TCF7L2: variants seen among roughly 807,000 people sequenced by gnomAD.
TCF7L2 encodes the protein transcription factor 7-like 2.
TCF7L2 carries 23 observed loss-of-function variants against 77.9 expected under a neutral mutation model. That is an observed-to-expected ratio of 0.30 (90% CI 0.21 to 0.42). The LOEUF (loss-of-function observed/expected upper bound fraction) is 0.42. Among genes scored for constraint, TCF7L2 ranks in the 10% least tolerant of loss-of-function variants. TCF7L2 has a pLI of 1.00. For missense variants in TCF7L2, 654 were observed against 793.1 expected, an observed-to-expected ratio of 0.82 and a Z score of 2.11; for synonymous variants, 413 against 340.2, an observed-to-expected ratio of 1.21 and a Z score of -2.36.
intron 5 of TCF7L2, among the ~76,000 whole-genome samples, chr10:113,054,258 T>C (rs1437389903): frequency 6.6e-6 from 1 of 152,280 alleles, no homozygotes; most frequent in Non-Finnish European, 1.5e-5. Flanking sequence ...AACTTGTGGG[T>C]AAATCACAAA....
At chr10:113,130,816 A>G (rs2066473334) in intron 5 of TCF7L2, among the ~76,000 whole-genome samples, 1 of 151,912 alleles carries the variant, frequency 6.6e-6, no homozygotes, top group African/African-American at 2.4e-5. Context: ...CCCAGGCTGG[A>G]GTGCAGTGGC....
chr10:113,093,863 C>T (rs1007790929), intron 5 of TCF7L2, among the ~76,000 whole-genome samples: 1 of 152,176 alleles, frequency 6.6e-6, no homozygotes, highest in Non-Finnish European at 1.5e-5. Context: ...ATTGCTCAGT[C>T]AATACCATTT....
At chr10:112,998,465 ATC>A (rs1167731859) in intron 4 of TCF7L2, among the ~76,000 whole-genome samples, 2 of 152,134 alleles carry the variant, frequency 1.3e-5, no homozygotes, top group African/African-American at 4.8e-5. Context: ...ATGTGATGAG[ATC>A]TCTGCCGGAC....
chr10:112,966,547 C>T (rs2036956069), intron 4 of TCF7L2, among the ~76,000 whole-genome samples: 1 of 152,058 alleles, frequency 6.6e-6, no homozygotes, highest in Non-Finnish European at 1.5e-5. Flanking sequence ...CCTCCTACAT[C>T]TCGGGTAGTG....
chr10:113,050,116 T>C (rs1004680273), intron 5 of TCF7L2, among the ~76,000 whole-genome samples: 4 of 152,166 alleles, frequency 2.6e-5, no homozygotes, highest in Non-Finnish European at 5.9e-5. Context: ...CGAGCCTGCA[T>C]AGCTGGTGGA....
At chr10:113,031,003 C>T (rs2134063934) in intron 4 of TCF7L2, among the ~76,000 whole-genome samples, 1 of 152,316 alleles carries the variant, frequency 6.6e-6, no homozygotes, top group South Asian at 2.1e-4. Context: ...TTTGCCCTCC[C>T]CTGGAGATTT....
At chr10:113,005,481 TG>T (rs2045374844) in intron 4 of TCF7L2, among the ~76,000 whole-genome samples, 2 of 152,206 alleles carry the variant, frequency 1.3e-5, no homozygotes, top group African/African-American at 4.8e-5. Flanking sequence ...TGTGACCTGC[TG>T]GGCTCAGCTC....
Position 113,122,616 on chromosome 10 carries a change from T to G in TCF7L2, c.553-18568T>G, listed in dbSNP as rs572058730. Among the ~76,000 whole-genome samples the G allele has an allele frequency of 7.2e-4, 109 of 152,324 alleles. 1 individual carries two copies. Among genetic ancestry groups the G allele is most frequent in the African/African-American group, 2.6e-3 (106 of 41,568 alleles). Reference sequence around the variant, plus strand: ...AAGAAATTGTATGCAGGAATAAAGATTTTGTACTGGCCCATCATCTAAAAA... The same window carrying G: ...AAGAAATTGTATGCAGGAATAAAGAGTTTGTACTGGCCCATCATCTAAAAA... On this transcript the variant is annotated intron_variant, in intron 5 of 13. Transcript: ENST00000627217.
chr10:113,155,380 T>A (rs1008629867), intron 11 of TCF7L2, among the ~76,000 whole-genome samples: 1 of 152,162 alleles, frequency 6.6e-6, no homozygotes, highest in Admixed American at 6.5e-5. Flanking sequence ...GCCCTTTCTT[T>A]CTTCTGTTAC....
intron 5 of TCF7L2, among the ~76,000 whole-genome samples, chr10:113,137,878 G>T (rs2067654930): frequency 6.6e-6 from 1 of 152,168 alleles, no homozygotes; most frequent in South Asian, 2.1e-4. Context: ...AGGTATAGTG[G>T]GACCAAGAAG....
At chr10:113,007,085 T>A (rs1256502156) in intron 4 of TCF7L2, among the ~76,000 whole-genome samples, 2 of 152,278 alleles carry the variant, frequency 1.3e-5, no homozygotes, top group Non-Finnish European at 1.5e-5. Context: ...CTGGGATGAC[T>A]ATTCAGTTAA....
chr10:113,089,498 G>A, intron 5 of TCF7L2: 1 of 1,613,862 alleles, frequency 6.2e-7, no homozygotes, highest in Non-Finnish European at 8.5e-7. Context: ...ACATGAAAAG[G>A]AGCCACTCCT....
rs2046055747 is a variant in TCF7L2, at chr10:113,009,183, TG to T, written c.451-30838del. Among the ~76,000 whole-genome samples the T allele has an allele frequency of 2.0e-5, 3 of 152,288 alleles. No homozygotes were observed. In the South Asian group the frequency reaches 6.2e-4, roughly 32 times the overall value. ...AGTTTTATAGTGATGAGAATTCATC[TG>T]GGGTCCAAGGGGCCCTCCTGTGTTG... On this transcript the variant is annotated intron_variant, in intron 4 of 13. Coordinates refer to ENST00000627217, the MANE Select transcript of TCF7L2 (RefSeq NM_001146274.2).
intron 4 of TCF7L2, among the ~76,000 whole-genome samples, chr10:113,008,388 CT>C (rs942732393): frequency 5.3e-4 from 81 of 152,318 alleles, no homozygotes; most frequent in African/African-American, 1.9e-3. Flanking sequence ...ACCTGTCTCT[CT>C]GCGTAGCGGC....
At chr10:113,165,009 G>A (rs142183138) in intron 13 of TCF7L2, among the ~76,000 whole-genome samples, 7 of 152,136 alleles carry the variant, frequency 4.6e-5, no homozygotes, top group South Asian at 4.2e-4. Flanking sequence ...ATATTGATAC[G>A]AGGCGGCTGG....
At chr10:113,070,269 T>TTA (rs34181424) in intron 5 of TCF7L2, among the ~76,000 whole-genome samples, 4,634 of 124,062 alleles carry the variant, frequency 0.037, 305 homozygotes, top group African/African-American at 0.13. Context: ...AAAAAAAAAT[T>TTA]TATATATATA....
At chr10:113,036,119 CATCATCATCAT>C (rs2051172331) in intron 4 of TCF7L2, among the ~76,000 whole-genome samples, 1 of 4,356 alleles carries the variant, frequency 2.3e-4, no homozygotes, top group African/African-American at 6.6e-4. Context: ...TCATCACCAT[CATCATCATCAT>C]CATCATCATC....
intron 5 of TCF7L2, among the ~76,000 whole-genome samples, chr10:113,110,390 T>TTA (rs1555073689): frequency 6.6e-5 from 7 of 106,162 alleles, no homozygotes; most frequent in African/African-American, 9.6e-5. Flanking sequence ...TTTTTTTTTT[T>TTA]ACGAATTTTT....
At chr10:112,970,274 G>A (rs1196866769) in intron 4 of TCF7L2, among the ~76,000 whole-genome samples, 7 of 151,954 alleles carry the variant, frequency 4.6e-5, no homozygotes, top group Non-Finnish European at 5.9e-5. Flanking sequence ...CAGCTGAGGA[G>A]TGGATACTGT....
Sources: allele counts gnomAD v4.1 joint callset (sites outside exome capture counted in the v4.1 genomes callset), GRCh38; gene constraint gnomAD v4.1.1; transcripts MANE v1.5; gene names NCBI Gene and HGNC (gene_info 2026-07-23, HGNC 2026-07-21).